Variants in GIGYF1 observed in about 807,000 individuals in gnomAD.
GIGYF1 encodes GRB10 interacting GYF protein 1.
Under a neutral mutation model 147.1 loss-of-function variants are expected in GIGYF1, and 84 were observed. The observed-to-expected ratio is 0.57, with a 90% CI of 0.48 to 0.68. GIGYF1 has a LOEUF of 0.68. Ranked by LOEUF, GIGYF1 falls within the 30% of genes least tolerant of loss-of-function variation. The pLI is 0.00. For synonymous variants in GIGYF1, 752 were observed against 589.5 expected, an observed-to-expected ratio of 1.28 and a Z score of -3.99; for missense variants, 1,485 against 1,393.7, an observed-to-expected ratio of 1.07 and a Z score of -1.04.
At position 100,687,058 on chromosome 7, in the gene GIGYF1, G is replaced by T. The variant is rs1805426108; in HGVS notation, c.483-12C>A. ...ACCGCCTCTCGCCTCTGCAGCAGGG[G>T]AAACGTGTGGGTCAGAAACAGTACA... On this transcript the variant is annotated splice_polypyrimidine_tract_variant and intron_variant, in intron 8 of 26. Transcript: ENST00000678049. 1 of 1,613,832 alleles carries T rather than the reference G, an allele frequency of 6.2e-7. No individual in the cohort carries two copies.
In GIGYF1 at chr7:100,688,315, G is replaced by A. The variant is rs1332027709; in HGVS notation, c.-69-8C>T. On this transcript the variant is annotated splice_region_variant and splice_polypyrimidine_tract_variant and intron_variant, in intron 3 of 26. Transcript: ENST00000678049. ...CGTTCACTGTCCAAACACCTGTGGG[G>A]GAACAGGGGCCATGAAGAACAGCAC... 3 of 1,160,058 alleles carry A rather than the reference G, an allele frequency of 2.6e-6. No individual in the cohort carries two copies. Among genetic ancestry groups the A allele is most frequent in the Non-Finnish European group, 3.8e-6 (3 of 784,218 alleles). The allele number at this position is 1,160,058 out of a possible 1,614,324, so 71.9% of individuals were successfully genotyped here. A position where few individuals can be genotyped will look rare whatever the true frequency, so the allele number is the denominator to read the frequency against.
chr7:100,694,082 G>GGGGGCCGC (rs1463260676), intron 1 of GIGYF1, 28 bp downstream of exon 1: 1 of 146,420 alleles, frequency 6.8e-6, no homozygotes, highest in African/African-American at 2.5e-5. Flanking sequence ...GCTGCGGGCC[G>GGGGGCCGC]GGGGCCGCGG....
At position 100,682,608 on chromosome 7, in the gene GIGYF1, C is replaced by T. The variant is rs927613792; in HGVS notation, c.2582G>A (p.Arg861Gln). ...CGCCCACCTGAGAGATGGGCTGCTC[C>T]GGCTGTTCTTCAGGCCGAGGCCACG... ...LVRGLGLKNSRSSPSLSDSYS... is the reference protein window; with the variant it reads ...LVRGLGLKNSQSSPSLSDSYS... Residue 861 changes from arginine to glutamine, a missense_variant, in exon 23 of 27, where the codon CGG (arginine) becomes CAG (glutamine). Transcript: ENST00000678049. 6 of 1,597,268 alleles carry T rather than the reference C, an allele frequency of 3.8e-6. No individual in the cohort carries two copies. Among genetic ancestry groups the T allele is most frequent in the East Asian group, 4.5e-5 (2 of 44,626 alleles).
chr7:100,690,169 G>A (rs576395608), intron 1 of GIGYF1, among the ~76,000 whole-genome samples: 61 of 152,264 alleles, frequency 4.0e-4, no homozygotes, highest in African/African-American at 1.4e-3. Context: ...AAGCTTTAGG[G>A]AACAAAAGGT....
At chr7:100,693,188 C>G (rs2131408074) in intron 1 of GIGYF1, among the ~76,000 whole-genome samples, 1 of 152,250 alleles carries the variant, frequency 6.6e-6, no homozygotes, top group South Asian at 2.1e-4. Flanking sequence ...CTCCTAGTTC[C>G]TAGCACTAGG....
chr7:100,687,494 C>T lies in GIGYF1; in HGVS notation c.373+11G>A. ...TCTGCCCGTCCCCAGGACACGCCATCACCCCTCTACCTCGGCTCCGCGTGC... is the reference window on the plus strand; with the variant it reads ...TCTGCCCGTCCCCAGGACACGCCATTACCCCTCTACCTCGGCTCCGCGTGC... On this transcript the variant is annotated intron_variant, in intron 7 of 26. Transcript: ENST00000678049. 2 of 1,609,086 alleles carry T rather than the reference C, an allele frequency of 1.2e-6. No individual in the cohort carries two copies. The highest frequency in any genetic ancestry group is 1.7e-6 in the Non-Finnish European group (2 of 1,177,302).
chr7:100,682,236 C>T lies in GIGYF1; in HGVS notation c.2762-1G>A. 6.2e-7 allele frequency: 1 copy of T among 1,611,098 alleles called. No homozygotes were observed. Among genetic ancestry groups the T allele is most frequent in the Non-Finnish European group, 8.5e-7 (1 of 1,179,344 alleles). On this transcript the variant is annotated splice_acceptor_variant, in intron 24 of 26. Coordinates refer to ENST00000678049, the MANE Select transcript of GIGYF1 (RefSeq NM_001375765.1). LOFTEE classifies it high-confidence loss of function. ...TTGAGGATCGCTACAGCCATGGGCACTGCAGGATGAGCGAAGGCTGTCAGG... is the reference window on the plus strand; with the variant it reads ...TTGAGGATCGCTACAGCCATGGGCATTGCAGGATGAGCGAAGGCTGTCAGG...
chr7:100,685,700 A>G (rs972811404), intron 12 of GIGYF1, among the ~76,000 whole-genome samples: 3 of 152,110 alleles, frequency 2.0e-5, no homozygotes, highest in Admixed American at 1.3e-4. Context: ...AACATCGCAC[A>G]ACACCACACA....
At position 100,686,992 on chromosome 7, in the gene GIGYF1, C is replaced by G. The variant is rs1805419520; in HGVS notation, c.523+14G>C. 6.2e-7 allele frequency: 1 copy of G among 1,613,988 alleles called. No individual in the cohort carries two copies. The highest frequency in any genetic ancestry group is 1.3e-5 in the African/African-American group (1 of 75,060). On this transcript the variant is annotated intron_variant, in intron 9 of 26. Coordinates refer to ENST00000678049, the MANE Select transcript of GIGYF1 (RefSeq NM_001375765.1). The stretch of plus-strand genomic sequence containing the variant: ...TCCCTGCCGCCCCGGCCGCCGCCCT[C>G]AGCAGCCTCGTACCTCCATCCCGCC...
In GIGYF1 at chr7:100,684,016, G is replaced by A. The variant is rs564524450; in HGVS notation, c.1868+4C>T. 4.7e-4 allele frequency: 628 copies of A among 1,325,090 alleles called. 8 individuals carry two copies. In the South Asian group the frequency reaches 6.2e-3, roughly 13 times the overall value. The allele number at this position is 1,325,090 out of a possible 1,614,324, so 82.1% of individuals were successfully genotyped here. ...TATCCTGAGGGCTCGCACGCACCAC[G>A]CACCTGGGGGGTTTGAGCGCCTGGA... On this transcript the variant is annotated splice_donor_region_variant and intron_variant, in intron 18 of 26. Transcript: ENST00000678049.
rs757972665 is a variant in GIGYF1, at chr7:100,682,631, A to T, written c.2559T>A (p.Arg853=). 7.5e-6 allele frequency: 12 copies of T among 1,598,648 alleles called. No homozygotes were observed. In the African/African-American group the frequency reaches 1.6e-4, roughly 21 times the overall value. The change falls in exon 23 of 27, where the codon CGT becomes CGA. Residue 853 remains arginine, a synonymous_variant. Coordinates refer to ENST00000678049, the MANE Select transcript of GIGYF1 (RefSeq NM_001375765.1). The stretch of plus-strand genomic sequence containing the variant: ...TCCGGCTGTTCTTCAGGCCGAGGCC[A>T]CGGACCAGGCTCCCGCCGCTCTTGG... ...DTPKSGGSLV[R]GLGLKNSRSS...
intron 12 of GIGYF1, 62 bp from the exon 13 acceptor site, chr7:100,685,543 CA>C: frequency 1.3e-6 from 2 of 1,569,562 alleles, no homozygotes; most frequent in Non-Finnish European, 1.7e-6. Flanking sequence ...CGAGTTAGCA[CA>C]AGCCCTTGAG....
intron 13 of GIGYF1, 60 bp from the exon 14 acceptor site, chr7:100,685,206 C>T: frequency 6.6e-7 from 1 of 1,516,008 alleles, no homozygotes; most frequent in South Asian, 1.2e-5. Context: ...ATAGCTTTCG[C>T]CTACTCTCAC....
chr7:100,687,578 C>T lies in GIGYF1; in HGVS notation c.300G>A (p.Leu100=). ...GGCCAGCCCCTTTCCCCATCAGCCT[C>T]AGCACAGCCACGCTGTTCACTGACA... ...FSLSVNSVAV[L]RLMGKGAGPP... The change falls in exon 7 of 27, where the codon CTG becomes CTA. Residue 100 remains leucine (L), a synonymous_variant. Coordinates refer to ENST00000678049, the MANE Select transcript of GIGYF1 (RefSeq NM_001375765.1). 2 of 1,612,670 alleles carry T rather than the reference C, an allele frequency of 1.2e-6. No individual in the cohort carries two copies. The highest frequency in any genetic ancestry group is 1.7e-6 in the Non-Finnish European group (2 of 1,179,866).
In GIGYF1 at chr7:100,680,909, G is replaced by C. The variant is rs965771696; in HGVS notation, c.*810C>G. 6.5e-6 allele frequency: 1 copy of C among 152,744 alleles called. No individual in the cohort carries two copies. Among genetic ancestry groups the C allele is most frequent in the Non-Finnish European group, 1.5e-5 (1 of 68,122 alleles). The allele number at this position is 152,744 out of a possible 1,614,324, so 9.5% of individuals were successfully genotyped here. A position where few individuals can be genotyped will look rare whatever the true frequency, so the allele number is the denominator to read the frequency against. ...CAGGGTGTCCCCCAAAATGGCAGCA[G>C]TGGGAGACGCCCCTCACCAGAACCA... On this transcript the variant is annotated 3_prime_UTR_variant, in exon 27 of 27. Coordinates refer to ENST00000678049, the MANE Select transcript of GIGYF1 (RefSeq NM_001375765.1).
chr7:100,684,735 C>T lies in GIGYF1; in HGVS notation c.1450G>A (p.Gly484Ser). 1 of 1,612,016 alleles carries T rather than the reference C, an allele frequency of 6.2e-7. No individual in the cohort carries two copies. The highest frequency in any genetic ancestry group is 8.5e-7 in the Non-Finnish European group (1 of 1,179,010). ...CCCACACAGGTACCTTGGATCTCGC[C>T]CTGTGGGTCCTTGTAGAACCACTTC... is the stretch of plus-strand genomic sequence containing the variant. ...ARKWFYKDPQ[G>S]EIQGPFTTQE... The change falls in exon 15 of 27, where the codon GGC becomes AGC. Residue 484 changes from glycine to serine, a missense_variant. Physicochemically the swap from Gly to Ser is moderately conservative, Grantham distance 56 (BLOSUM62 0). Transcript: ENST00000678049.
chr7:100,687,527 G>C lies in GIGYF1; in HGVS notation c.351C>G (p.Gly117=), dbSNP rs1562882663. 3 of 1,612,264 alleles carry C rather than the reference G, an allele frequency of 1.9e-6. No homozygotes were observed. Among genetic ancestry groups the C allele is most frequent in the Non-Finnish European group, 2.5e-6 (3 of 1,179,584 alleles). ...AGPPLAGTSR[G]RGSTRSRGRG... ...TACCTCGGCTCCGCGTGCTGCCCCT[G>C]CCTCGGGAGGTGCCAGCCAGGGGGG... The change falls in exon 7 of 27, where the codon GGC becomes GGG. Residue 117 remains glycine (G), a synonymous_variant. Transcript: ENST00000678049.
At chr7:100,687,244 G>A in intron 8 of GIGYF1, 54 bp downstream of exon 8, 1 of 1,549,486 alleles carries the variant, frequency 6.5e-7, no homozygotes. Context: ...ACAGGGCCCA[G>A]GCCTCCCCTC....
chr7:100,680,240 G>A lies in GIGYF1; in HGVS notation c.*1479C>T, dbSNP rs75108396. On this transcript the variant is annotated 3_prime_UTR_variant, in exon 27 of 27. Coordinates refer to ENST00000678049, the MANE Select transcript of GIGYF1 (RefSeq NM_001375765.1). Reference sequence around the variant, plus strand: ...ATCTTTCTGGGACTAGATGGGGAAAGAAACGGGCCACTCCCCATGTCCCCA... The same window carrying A: ...ATCTTTCTGGGACTAGATGGGGAAAAAAACGGGCCACTCCCCATGTCCCCA... 1 of 147,616 alleles carries A rather than the reference G, an allele frequency of 6.8e-6. No individual in the cohort carries two copies. The highest frequency in any genetic ancestry group is 2.5e-5 in the African/African-American group (1 of 39,628). The allele number at this position is 147,616 out of a possible 1,614,324, so 9.1% of individuals were successfully genotyped here.
Sources: allele counts gnomAD v4.1 joint callset (sites outside exome capture counted in the v4.1 genomes callset), GRCh38; gene constraint gnomAD v4.1.1; transcripts MANE v1.5; gene names NCBI Gene and HGNC (gene_info 2026-07-23, HGNC 2026-07-21).